Variants in ANKRD31 observed in about 807,000 individuals in gnomAD.
ANKRD31 encodes ankyrin repeat domain-containing protein 31.
A neutral mutation model predicts 186.0 loss-of-function variants in ANKRD31; 147 were observed. The ratio of observed to expected loss-of-function variants is 0.79; its 90% CI spans 0.69 to 0.91. The LOEUF is 0.91. Among genes scored for constraint, ANKRD31 ranks in the 40% least tolerant of loss-of-function variants. The pLI is 0.00. For missense variants in ANKRD31, 1,986 were observed against 2,148.8 expected (o/e 0.92, Z 1.50); for synonymous variants, 673 against 736.4 (o/e 0.91, Z 1.39).
chr5:75,132,121 C>T lies in ANKRD31; in HGVS notation c.3876+5735G>A, dbSNP rs1046609879. ...GAGCGCCTCTTCTCCTCCAAAGGAA[C>T]GCAGCTCCTCGCCAGCAATGGAGCA... On this transcript the variant is annotated intron_variant, in intron 17 of 25. Coordinates refer to ENST00000506364, the MANE Select transcript of ANKRD31 (RefSeq NM_001372053.1). 1.3e-4 allele frequency among the ~76,000 whole-genome samples: 20 copies of T among 152,338 alleles called. No individual in the cohort carries two copies. The East Asian group carries it at 1.5e-3, about 12-fold the overall frequency.
At chr5:75,119,281 T>G (rs933217594) in intron 17 of ANKRD31, among the ~76,000 whole-genome samples, 3 of 152,182 alleles carry the variant, frequency 2.0e-5, no homozygotes, top group African/African-American at 7.2e-5. Context: ...AGTCTCAGTA[T>G]CTACTGTTCT....
At chr5:75,225,290 T>C (rs990332955) in intron 2 of ANKRD31, 1 of 152,172 alleles carries the variant, frequency 6.6e-6, no homozygotes, top group Non-Finnish European at 1.5e-5. Flanking sequence ...ATTCATACAA[T>C]GGAATAATAC....
intron 11 of ANKRD31, among the ~76,000 whole-genome samples, chr5:75,163,349 T>G (rs887055831): frequency 1.3e-5 from 2 of 152,206 alleles, no homozygotes; most frequent in African/African-American, 4.8e-5. Flanking sequence ...ACATAGGTCT[T>G]GGCCCCATGT....
intron 21 of ANKRD31, among the ~76,000 whole-genome samples, chr5:75,106,317 C>T (rs970032855): frequency 3.3e-5 from 5 of 152,002 alleles, no homozygotes; most frequent in Non-Finnish European, 5.9e-5. Flanking sequence ...AGTTTAAGAG[C>T]TGCTGTTTTA....
chr5:75,186,759 G>A (rs1256674304), intron 10 of ANKRD31, among the ~76,000 whole-genome samples: 2 of 151,914 alleles, frequency 1.3e-5, no homozygotes, highest in African/African-American at 2.4e-5. Flanking sequence ...ACGTAAATGA[G>A]GACTTATAAA....
intron 15 of ANKRD31, 115 bp from the exon 16 acceptor site, chr5:75,139,098 CAATT>C: frequency 9.0e-7 from 1 of 1,113,198 alleles, no homozygotes; most frequent in Non-Finnish European, 1.2e-6. Flanking sequence ...AAACATATAT[CAATT>C]AATGTTATCA....
At chr5:75,145,685 A>G (rs1751380691) in intron 14 of ANKRD31, among the ~76,000 whole-genome samples, 1 of 152,020 alleles carries the variant, frequency 6.6e-6, no homozygotes, top group South Asian at 2.1e-4. Context: ...TACCTATGTA[A>G]CAAATCTGCA....
chr5:75,161,067 C>T (rs1752543163), intron 11 of ANKRD31, among the ~76,000 whole-genome samples: 1 of 152,108 alleles, frequency 6.6e-6, no homozygotes, highest in Non-Finnish European at 1.5e-5. Flanking sequence ...TGGGGTGCTG[C>T]TGAAAAGATA....
At chr5:75,215,977 T>C (rs1354135647) in intron 3 of ANKRD31, among the ~76,000 whole-genome samples, 1 of 152,166 alleles carries the variant, frequency 6.6e-6, no homozygotes, top group African/African-American at 2.4e-5. Flanking sequence ...ATAGTATTAA[T>C]TAAAATTTGC....
rs577079126 is a variant in ANKRD31, at chr5:75,236,865, C to G, written c.-179G>C. 3.1e-4 allele frequency: 152 copies of G among 496,676 alleles called. No homozygotes were observed. Among genetic ancestry groups the G allele is most frequent in the African/African-American group, 2.9e-3 (139 of 48,696 alleles). The allele number at this position is 496,676 out of a possible 1,614,324, so 30.8% of individuals were successfully genotyped here. ...AGGACGCAGGCGGCCGCGAGCGCGG[C>G]GGGGTAGCAGTCTGCGAGGCGGCCC... is the stretch of plus-strand genomic sequence containing the variant. On this transcript the variant is annotated 5_prime_UTR_variant, in exon 1 of 26. Transcript: ENST00000506364.
At chr5:75,143,801 G>C (rs1228013709) in intron 15 of ANKRD31, among the ~76,000 whole-genome samples, 200 bp downstream of exon 15, 1 of 152,122 alleles carries the variant, frequency 6.6e-6, no homozygotes, top group East Asian at 1.9e-4. Context: ...ATAGAAAGAA[G>C]TATGACATGA....
chr5:75,207,736 G>A (rs977547740), intron 4 of ANKRD31, among the ~76,000 whole-genome samples: 1 of 151,938 alleles, frequency 6.6e-6, no homozygotes, highest in Non-Finnish European at 1.5e-5. Context: ...AAAGTAAAAC[G>A]TACCAAAATG....
At chr5:75,110,707 C>CA (rs148815372) in intron 20 of ANKRD31, among the ~76,000 whole-genome samples, 38,647 of 139,116 alleles carry the variant, frequency 0.28, 5,362 homozygotes, top group South Asian at 0.42. Context: ...AACTCCATCT[C>CA]AAAAAAAAAA....
At chr5:75,134,263 A>T (rs287062) in intron 17 of ANKRD31, among the ~76,000 whole-genome samples, 1 of 152,120 alleles carries the variant, frequency 6.6e-6, no homozygotes, top group African/African-American at 2.4e-5. Flanking sequence ...TTGATATACC[A>T]CTAGGAAAAC....
chr5:75,234,069 C>T (rs1335796826), intron 1 of ANKRD31, among the ~76,000 whole-genome samples: 2 of 140,958 alleles, frequency 1.4e-5, no homozygotes, highest in African/African-American at 6.0e-5. Context: ...AATGCTTCAA[C>T]AAATTATCCC....
chr5:75,178,142 A>G (rs909987699), intron 10 of ANKRD31, among the ~76,000 whole-genome samples: 1 of 152,210 alleles, frequency 6.6e-6, no homozygotes, highest in Admixed American at 6.5e-5. Context: ...AAAGAAGGCC[A>G]TTACATCATG....
chr5:75,068,310 A>AAT lies in ANKRD31; in HGVS notation c.*208_*209insAT. The AAT allele has an allele frequency of 2.3e-6, 1 of 435,662 alleles. No individual in the cohort carries two copies. Among genetic ancestry groups the AAT allele is most frequent in the African/African-American group, 2.0e-5 (1 of 49,054 alleles). 27.0% of individuals were successfully genotyped at this position (435,662 alleles called of 1,614,324 possible). On this transcript the variant is annotated 3_prime_UTR_variant, in exon 26 of 26. Transcript: ENST00000506364. ...AGAGCCAATCAATATGGTCTAGTTC[A>AAT]AATGTGCCTTTATTTCAATGGCAAA...
intron 25 of ANKRD31, 95 bp downstream of exon 25, chr5:75,080,473 T>C (rs1744995926): frequency 3.8e-6 from 3 of 781,396 alleles, no homozygotes; most frequent in Non-Finnish European, 5.9e-6. Flanking sequence ...GTGATATGCA[T>C]AATATTTGAC....
intron 22 of ANKRD31, among the ~76,000 whole-genome samples, chr5:75,097,311 T>G (rs1746412739): frequency 6.6e-6 from 1 of 152,204 alleles, no homozygotes; most frequent in Non-Finnish European, 1.5e-5. Flanking sequence ...CCACATCCTC[T>G]CCAGCACCTG....
Sources: allele counts gnomAD v4.1 joint callset (sites outside exome capture counted in the v4.1 genomes callset), GRCh38; gene constraint gnomAD v4.1.1; transcripts MANE v1.5; gene names NCBI Gene and HGNC (gene_info 2026-07-23, HGNC 2026-07-21).